KANSL1: variants seen among roughly 807,000 people sequenced by gnomAD.
KANSL1 encodes the protein MLL1/MLL complex subunit KANSL1.
KANSL1 carries 22 observed loss-of-function variants against 103.6 expected under a neutral mutation model. That is an observed-to-expected ratio of 0.21 (90% CI 0.15 to 0.30). KANSL1 has a LOEUF of 0.30. Among genes scored for constraint, KANSL1 ranks in the 10% least tolerant of loss-of-function variants. The probability of loss-of-function intolerance (pLI) is 1.00; values close to 1 mark genes in which losing one functional copy is unlikely to be tolerated. For synonymous variants in KANSL1, 600 were observed against 527.6 expected, an observed-to-expected ratio of 1.14 and a Z score of -1.88; for missense variants, 1,337 against 1,399.8, an observed-to-expected ratio of 0.96 and a Z score of 0.72.
chr17:46,050,508 C>A, intron 7 of KANSL1, 25 bp downstream of exon 7: 1 of 1,608,920 alleles, frequency 6.2e-7, no homozygotes, highest in Non-Finnish European at 8.5e-7. Flanking sequence ...TTTCATTAGA[C>A]TTTCTAGTCT....
At chr17:46,162,223 GGGCATGACCTTA>G (rs1304770123) in intron 2 of KANSL1, among the ~76,000 whole-genome samples, 2 of 152,166 alleles carry the variant, frequency 1.3e-5, no homozygotes, top group Non-Finnish European at 2.9e-5. Flanking sequence ...AAACATGAAA[GGGCATGACCTTA>G]GGCATGAATT....
At position 46,105,947 on chromosome 17, in the gene KANSL1, A is replaced by ACACC. The variant is rs1396276906; in HGVS notation, c.1290-11247_1290-11246insGGTG. ...CACACACACACACACACACACACAC[A>ACACC]CCCCCCCAGAAGGGTGAAGGAGCAG... On this transcript the variant is annotated intron_variant, in intron 2 of 14. Coordinates refer to ENST00000432791, the MANE Select transcript of KANSL1 (RefSeq NM_015443.4). Among the ~76,000 whole-genome samples, 169 of 57,828 alleles carry ACACC rather than the reference A, an allele frequency of 2.9e-3. 1 individual carries two copies. The highest frequency in any genetic ancestry group is 0.018 in the East Asian group (64 of 3,598). The allele number at this position is 57,828 out of a possible 152,430, so 37.9% of individuals were successfully genotyped here. A position where few individuals can be genotyped will look rare whatever the true frequency, so the allele number is the denominator to read the frequency against.
chr17:46,164,277 A>C (rs2045890898), intron 2 of KANSL1, among the ~76,000 whole-genome samples: 1 of 152,270 alleles, frequency 6.6e-6, no homozygotes, highest in Non-Finnish European at 1.5e-5. Flanking sequence ...GTAACACCCA[A>C]ATTCCTGATG....
At chr17:46,139,296 C>CCAAA (rs1555563205) in intron 2 of KANSL1, among the ~76,000 whole-genome samples, 43 of 139,492 alleles carry the variant, frequency 3.1e-4, no homozygotes, top group Admixed American at 7.0e-4. Flanking sequence ...TTTCATAGGC[C>CCAAA]AAAAAAAAAA....
intron 1 of KANSL1, among the ~76,000 whole-genome samples, chr17:46,172,684 G>A (rs1386544785): frequency 6.6e-6 from 1 of 152,202 alleles, no homozygotes; most frequent in East Asian, 1.9e-4. Context: ...TCACAGGTCT[G>A]TGCATTTTTC....
In KANSL1 at chr17:46,171,248, C is replaced by A; in HGVS notation, c.896G>T (p.Arg299Leu). 6.2e-7 allele frequency: 1 copy of A among 1,614,064 alleles called. No individual in the cohort carries two copies. The highest frequency in any genetic ancestry group is 8.5e-7 in the Non-Finnish European group (1 of 1,180,036). ...AACCTGTAAGCGCTTTTGTAATCTGCGGGCACGGCTCTCAATGTCAGCCTG... is the reference window on the plus strand; with the variant it reads ...AACCTGTAAGCGCTTTTGTAATCTGAGGGCACGGCTCTCAATGTCAGCCTG... ...RRQADIESRA[R>L]RLQKRLQVVQ... Residue 299 changes from arginine to leucine, a missense_variant, in exon 2 of 15, where the codon CGC becomes CTC. Around this residue, in one of 2 missense-constraint regions of KANSL1, gnomAD observed 557 missense variants for 476.4 expected, o/e 1.17. Transcript: ENST00000432791.
At position 46,031,203 on chromosome 17, in the gene KANSL1, G is replaced by C; in HGVS notation, c.*273C>G. 7.2e-6 allele frequency: 4 copies of C among 556,314 alleles called. No individual in the cohort carries two copies. Among genetic ancestry groups the C allele is most frequent in the Non-Finnish European group, 1.3e-5 (4 of 309,574 alleles). The allele number at this position is 556,314 out of a possible 1,614,324, so 34.5% of individuals were successfully genotyped here. A position where few individuals can be genotyped will look rare whatever the true frequency, so the allele number is the denominator to read the frequency against. On this transcript the variant is annotated 3_prime_UTR_variant, in exon 15 of 15. Coordinates refer to ENST00000432791, the MANE Select transcript of KANSL1 (RefSeq NM_015443.4). Reference sequence around the variant, plus strand: ...GTAAGTCCAGTGATTCAACAGTGCAGAGGATGTGCCAGGACCAGGCCAGCA... The same window carrying C: ...GTAAGTCCAGTGATTCAACAGTGCACAGGATGTGCCAGGACCAGGCCAGCA...
chr17:46,105,765 G>A (rs1462611897), intron 2 of KANSL1, among the ~76,000 whole-genome samples: 1 of 152,124 alleles, frequency 6.6e-6, no homozygotes, highest in Admixed American at 6.5e-5. Flanking sequence ...CAGCTACTCA[G>A]TAGGCTGAGG....
chr17:46,171,071 G>A lies in KANSL1; in HGVS notation c.1073C>T (p.Ala358Val). 1 of 1,614,142 alleles carries A rather than the reference G, an allele frequency of 6.2e-7. No homozygotes were observed. The highest frequency in any genetic ancestry group is 8.5e-7 in the Non-Finnish European group (1 of 1,180,044). The change falls in exon 2 of 15, where the codon GCC becomes GTC. Residue 358 changes from alanine to valine, a missense_variant. By Grantham distance (64) the Ala-to-Val change is moderately conservative (BLOSUM62 0). Coordinates refer to ENST00000432791, the MANE Select transcript of KANSL1 (RefSeq NM_015443.4). The part of the protein sequence containing the change: ...RKAEAALRKA[A>V]SETTTSEGLS... ...TCCCTCTGAAGTGGTGGTCTCACTGGCAGCTTTTCTCAAGGCAGCTTCAGC... is the reference window on the plus strand; with the variant it reads ...TCCCTCTGAAGTGGTGGTCTCACTGACAGCTTTTCTCAAGGCAGCTTCAGC...
chr17:46,147,889 T>C (rs2044817827), intron 2 of KANSL1, among the ~76,000 whole-genome samples: 1 of 152,186 alleles, frequency 6.6e-6, no homozygotes, highest in Non-Finnish European at 1.5e-5. Flanking sequence ...AATTTTTAAG[T>C]ACTAGGTTGT....
intron 7 of KANSL1, chr17:46,041,519 C>T (rs897742284): frequency 3.3e-5 from 5 of 152,268 alleles, no homozygotes; most frequent in Admixed American, 2.0e-4. Flanking sequence ...TCAGAAGTTC[C>T]CGCCAGAGTC....
intron 2 of KANSL1, among the ~76,000 whole-genome samples, chr17:46,149,671 T>C (rs1567733154): frequency 6.6e-6 from 1 of 152,250 alleles, no homozygotes; most frequent in African/African-American, 2.4e-5. Context: ...TAATATCAAC[T>C]TTCCTAAATT....
At chr17:46,136,134 T>A (rs1169127015) in intron 2 of KANSL1, among the ~76,000 whole-genome samples, 2 of 152,100 alleles carry the variant, frequency 1.3e-5, no homozygotes, top group African/African-American at 4.8e-5. Context: ...ATCCTCTCCC[T>A]GGGTCAAAAC....
chr17:46,083,773 G>C (rs180680831), intron 3 of KANSL1, among the ~76,000 whole-genome samples: 15 of 152,190 alleles, frequency 9.9e-5, no homozygotes, highest in East Asian at 3.9e-4. Flanking sequence ...CACTAGACTT[G>C]ATTAGTTTGG....
intron 2 of KANSL1, among the ~76,000 whole-genome samples, chr17:46,133,565 C>T (rs536272809): frequency 6.6e-6 from 1 of 152,306 alleles, no homozygotes; most frequent in East Asian, 1.9e-4. Flanking sequence ...TCCAATCTTC[C>T]TATTCTCTAC....
intron 2 of KANSL1, among the ~76,000 whole-genome samples, chr17:46,148,981 C>T (rs1417918554): frequency 1.3e-5 from 2 of 149,492 alleles, no homozygotes; most frequent in Admixed American, 1.3e-4. Context: ...TATTTTATCT[C>T]ACCCATTCTT....
chr17:46,145,330 T>C (rs922523344), intron 2 of KANSL1, among the ~76,000 whole-genome samples: 1 of 152,256 alleles, frequency 6.6e-6, no homozygotes, highest in Non-Finnish European at 1.5e-5. Context: ...GCCCTTTCTA[T>C]TTCATAAGCT....
intron 6 of KANSL1, among the ~76,000 whole-genome samples, chr17:46,063,578 C>A (rs547805642): frequency 6.6e-6 from 1 of 152,276 alleles, no homozygotes; most frequent in Admixed American, 6.5e-5. Context: ...CAACTAATTT[C>A]TCTGTCTTAT....
At chr17:46,141,126 C>T (rs1441936682) in intron 2 of KANSL1, among the ~76,000 whole-genome samples, 1 of 152,018 alleles carries the variant, frequency 6.6e-6, no homozygotes, top group East Asian at 1.9e-4. Context: ...TTGTATTTCT[C>T]TTTACAAAAC....
Sources: allele counts gnomAD v4.1 joint callset (sites outside exome capture counted in the v4.1 genomes callset), GRCh38; gene constraint gnomAD v4.1.1; regional missense constraint gnomAD v4.1.1; transcripts MANE v1.5; gene names NCBI Gene and HGNC (gene_info 2026-07-23, HGNC 2026-07-21).